SLC26A7: variants seen among roughly 807,000 people sequenced by gnomAD.
SLC26A7 encodes the protein anion exchange transporter.
In SLC26A7, 59 loss-of-function variants were observed where a neutral mutation model predicts 82.5. The observed-to-expected ratio is 0.72, with a 90% CI of 0.58 to 0.89. SLC26A7 has a LOEUF of 0.89. SLC26A7 is among the 40% of genes least tolerant of loss of function. SLC26A7 has a pLI of 0.00. For missense variants in SLC26A7, 820 were observed against 793.0 expected (o/e 1.03, Z -0.41); for synonymous variants, 271 against 274.3 (o/e 0.99, Z 0.12).
At chr8:91,301,277 A>C (rs1812157721) in intron 4 of SLC26A7, among the ~76,000 whole-genome samples, 1 of 152,144 alleles carries the variant, frequency 6.6e-6, no homozygotes, top group Non-Finnish European at 1.5e-5. Context: ...GCTTTTCAGC[A>C]TGTATAGCAC....
intron 2 of SLC26A7, among the ~76,000 whole-genome samples, chr8:91,268,067 T>A (rs975754674): frequency 6.6e-6 from 1 of 151,950 alleles, no homozygotes; most frequent in Non-Finnish European, 1.5e-5. Flanking sequence ...ATATTCCTTC[T>A]GACACTGACT....
chr8:91,368,585 AT>A lies in SLC26A7; in HGVS notation c.1627-1189del, dbSNP rs1162166401. Among the ~76,000 whole-genome samples the A allele has an allele frequency of 5.3e-4, 77 of 145,156 alleles. 1 individual carries two copies. The highest frequency in any genetic ancestry group is 7.1e-3 in the Middle Eastern group (2 of 282). On this transcript the variant is annotated intron_variant, in intron 14 of 18. Transcript: ENST00000276609. The stretch of plus-strand genomic sequence containing the variant: ...AGGCGCCCGCCACCACGCCTGGCTA[AT>A]TTTTTTTTTTGTATTTTTAGTAGAG...
At chr8:91,264,100 G>A (rs553116296) in intron 2 of SLC26A7, among the ~76,000 whole-genome samples, 1 of 152,136 alleles carries the variant, frequency 6.6e-6, no homozygotes, top group Non-Finnish European at 1.5e-5. Context: ...CTCTAAGGCT[G>A]GTCCAGAGGA....
At position 91,397,507 on chromosome 8, in the gene SLC26A7, T is replaced by G. The variant is rs1054861645; in HGVS notation, c.*2410T>G. The G allele has an allele frequency of 6.6e-6, 1 of 152,498 alleles. No individual in the cohort carries two copies. Among genetic ancestry groups the G allele is most frequent in the African/African-American group, 2.4e-5 (1 of 41,450 alleles). The allele number at this position is 152,498 out of a possible 1,614,324, so 9.4% of individuals were successfully genotyped here. A position where few individuals can be genotyped will look rare whatever the true frequency, so the allele number is the denominator to read the frequency against. On this transcript the variant is annotated 3_prime_UTR_variant, in exon 19 of 19. Coordinates refer to ENST00000276609, the MANE Select transcript of SLC26A7 (RefSeq NM_052832.4). ...AAATAAAATTGGAAAAAATTAAAAC[T>G]GACCTATAAGAGTGTTAAGGACCTA... is the stretch of plus-strand genomic sequence containing the variant.
intron 6 of SLC26A7, among the ~76,000 whole-genome samples, chr8:91,337,179 G>T (rs974434518): frequency 2.0e-5 from 3 of 151,792 alleles, no homozygotes; most frequent in Non-Finnish European, 4.4e-5. Context: ...TGCAAATTCA[G>T]CTAAATATCA....
chr8:91,356,063 C>A (rs976147741), intron 11 of SLC26A7, among the ~76,000 whole-genome samples: 3 of 151,966 alleles, frequency 2.0e-5, no homozygotes, highest in Admixed American at 1.3e-4. Context: ...TGAACTCATC[C>A]TTTTTTATGG....
chr8:91,269,297 C>T (rs1251141363), intron 2 of SLC26A7, among the ~76,000 whole-genome samples: 1 of 151,320 alleles, frequency 6.6e-6, no homozygotes, highest in Non-Finnish European at 1.5e-5. Context: ...ATTTCCTCAT[C>T]TTGTTTGTGT....
At chr8:91,369,707 A>G (rs1814299773) in intron 14 of SLC26A7, 78 bp from the exon 15 acceptor site, 1 of 1,075,530 alleles carries the variant, frequency 9.3e-7, no homozygotes, top group Admixed American at 3.0e-5. Flanking sequence ...CTTTATAAGT[A>G]AAAGAATTAT....
chr8:91,339,928 A>G (rs1318363530), intron 7 of SLC26A7, among the ~76,000 whole-genome samples: 6 of 152,196 alleles, frequency 3.9e-5, no homozygotes, highest in African/African-American at 1.2e-4. Flanking sequence ...AGTTAAAAAC[A>G]TAATTAAGAT....
chr8:91,261,371 A>G (rs1291747217), intron 2 of SLC26A7, among the ~76,000 whole-genome samples: 1 of 152,076 alleles, frequency 6.6e-6, no homozygotes, highest in Non-Finnish European at 1.5e-5. Flanking sequence ...TTAACCTTGA[A>G]TATATCATTC....
At chr8:91,234,713 G>C (rs1172127813) in intron 2 of SLC26A7, among the ~76,000 whole-genome samples, 1 of 151,872 alleles carries the variant, frequency 6.6e-6, no homozygotes, top group Non-Finnish European at 1.5e-5. Flanking sequence ...TCAATGAATA[G>C]GCTTGTCATT....
chr8:91,243,789 C>T (rs1810505959), intron 2 of SLC26A7, among the ~76,000 whole-genome samples: 1 of 152,112 alleles, frequency 6.6e-6, no homozygotes, highest in Non-Finnish European at 1.5e-5. Flanking sequence ...TAGATTTAAA[C>T]CCAACCACAT....
chr8:91,272,575 T>C (rs1386747544), intron 2 of SLC26A7, among the ~76,000 whole-genome samples: 1 of 152,188 alleles, frequency 6.6e-6, no homozygotes, highest in Admixed American at 6.5e-5. Context: ...AAAAGTTTAC[T>C]AGATACCACT....
At chr8:91,343,573 TATTTA>T (rs1488612483) in intron 9 of SLC26A7, 107 bp downstream of exon 9, 6 of 700,112 alleles carry the variant, frequency 8.6e-6, no homozygotes, top group Non-Finnish European at 1.3e-5. Context: ...TATTTTCACT[TATTTA>T]ATTTTTTTTC....
chr8:91,318,464 T>A, intron 5 of SLC26A7, 84 bp downstream of exon 5: 2 of 1,269,448 alleles, frequency 1.6e-6, no homozygotes, highest in Non-Finnish European at 2.1e-6. Flanking sequence ...AGTACTGAGA[T>A]TTTTCTGTAT....
chr8:91,230,861 G>A (rs1423282672), intron 2 of SLC26A7, among the ~76,000 whole-genome samples: 1 of 152,148 alleles, frequency 6.6e-6, no homozygotes, highest in Admixed American at 6.5e-5. Context: ...GGAGGAAAAA[G>A]ACCAAATTGA....
chr8:91,334,476 T>A, intron 6 of SLC26A7, 29 bp downstream of exon 6: 1 of 1,592,398 alleles, frequency 6.3e-7, no homozygotes, highest in Non-Finnish European at 8.6e-7. Context: ...TTTAGCTTTT[T>A]GCCATGCAAA....
chr8:91,258,329 A>G (rs1810863925), intron 2 of SLC26A7, among the ~76,000 whole-genome samples: 1 of 152,084 alleles, frequency 6.6e-6, no homozygotes, highest in South Asian at 2.1e-4. Flanking sequence ...GACAAATTTT[A>G]TAACTGAACA....
chr8:91,388,234 C>T (rs1406539333), intron 15 of SLC26A7, among the ~76,000 whole-genome samples: 2 of 151,914 alleles, frequency 1.3e-5, no homozygotes, highest in South Asian at 2.1e-4. Context: ...GGGTTCACGC[C>T]GTTCTCCTGC....
Sources: gnomAD v4.1 joint callset for allele counts (sites outside exome capture counted in the v4.1 genomes callset) on GRCh38, gnomAD v4.1.1 for gene constraint, MANE v1.5 for transcripts, NCBI Gene and HGNC (gene_info 2026-07-23, HGNC 2026-07-21) for gene names.